NEB: variants seen among roughly 807,000 people sequenced by gnomAD.
The protein encoded by NEB is nebulin.
A neutral mutation model predicts 952.2 loss-of-function variants in NEB; 512 were observed. That is an observed-to-expected ratio of 0.54 (90% confidence interval 0.50 to 0.58). The LOEUF (loss-of-function observed/expected upper bound fraction) is 0.58. NEB is among the 20% of genes least tolerant of loss of function. NEB has a pLI of 0.00. For missense variants in NEB, 8,428 were observed against 9,231.1 expected (o/e 0.91, Z 3.56); for synonymous variants, 2,900 against 3,149.8 (o/e 0.92, Z 2.66).
chr2:151,553,616 G>A, intron 126 of NEB, 114 bp from the exon 127 acceptor site: 1 of 877,690 alleles, frequency 1.1e-6, no homozygotes, highest in Non-Finnish European at 1.8e-6. Context: ...AGGAGCAAAG[G>A]CATTATGCAA....
At position 151,633,943 on chromosome 2, in the gene NEB, C is replaced by T. The variant is rs779603526; in HGVS notation, c.9125G>A (p.Cys3042Tyr). The change falls in exon 65 of 182, where the codon TGC becomes TAC. Residue 3042 changes from cysteine (C) to tyrosine (Y), a missense_variant. By Grantham distance (194) the Cys-to-Tyr change is radical. Around this residue, in one of 11 missense-constraint regions of NEB, gnomAD observed 1,772 missense variants for 1,960.3 expected, o/e 0.90. Transcript: ENST00000397345. The part of the protein sequence containing the change: ...ISDYKYKDGY[C>Y]KQLGHHIGAR... ...TCCAATATGGTGGCCAAGTTGCTTG[C>T]AGTAACCATCTTTATATTTGTACTA... 16 of 1,613,140 alleles carry T rather than the reference C, an allele frequency of 9.9e-6. No homozygotes were observed. The highest frequency in any genetic ancestry group is 3.3e-5 in the Admixed American group (2 of 59,922).
chr2:151,726,718 C>CAGCTTTTT (rs1012282591), intron 5 of NEB, among the ~76,000 whole-genome samples: 79 of 152,236 alleles, frequency 5.2e-4, no homozygotes, highest in African/African-American at 1.9e-3. Context: ...ATCATCTGGG[C>CAGCTTTTT]AGCTTTTTAA....
intron 24 of NEB, chr2:151,690,125 G>A (rs2099536445): frequency 6.5e-6 from 1 of 154,052 alleles, no homozygotes; most frequent in Admixed American, 6.5e-5. Flanking sequence ...ACTTCAACAG[G>A]GTCAGCAGGC....
Position 151,524,143 on chromosome 2 carries a change from G to A in NEB, c.22479+168C>T, listed in dbSNP as rs543690192. Among the ~76,000 whole-genome samples, 3 of 152,330 alleles carry A rather than the reference G, an allele frequency of 2.0e-5. No individual in the cohort carries two copies. The East Asian group carries it at 5.8e-4, about 29-fold the overall frequency. On this transcript the variant is annotated intron_variant, in intron 153 of 181. Transcript: ENST00000397345. The stretch of plus-strand genomic sequence containing the variant: ...ACAAGAAAGGTCTAGACAGCTTAGA[G>A]GGAAACGAGAAAAGGCCCTCAGTGC...
intron 144 of NEB, 43 bp downstream of exon 144, chr2:151,531,749 G>A: frequency 7.1e-7 from 1 of 1,412,970 alleles, no homozygotes; most frequent in Non-Finnish European, 9.9e-7. Context: ...GTTTGCAGAT[G>A]CCCCCTGAGT....
At position 151,729,596 on chromosome 2, in the gene NEB, G is replaced by A. The variant is rs1329858927; in HGVS notation, c.78+19C>T. 1 of 1,612,444 alleles carries A rather than the reference G, an allele frequency of 6.2e-7. No homozygotes were observed. The highest frequency in any genetic ancestry group is 1.7e-5 in the Admixed American group (1 of 59,958). On this transcript the variant is annotated intron_variant, in intron 4 of 181. Transcript: ENST00000397345. ...CTTTAATGAGAATGCAGTTTATGCAGCTGTGGGCTGGGCCTTACCTCTCCC... is the reference window on the plus strand; with the variant it reads ...CTTTAATGAGAATGCAGTTTATGCAACTGTGGGCTGGGCCTTACCTCTCCC...
intron 27 of NEB, among the ~76,000 whole-genome samples, chr2:151,687,125 ATATC>A (rs1233080674): frequency 2.0e-5 from 3 of 152,248 alleles, no homozygotes; most frequent in African/African-American, 7.2e-5. Flanking sequence ...AAATATGAAA[ATATC>A]TAGTGATGTT....
intron 71 of NEB, among the ~76,000 whole-genome samples, chr2:151,621,306 C>A (rs1049643605): frequency 6.6e-6 from 1 of 152,164 alleles, no homozygotes; most frequent in Non-Finnish European, 1.5e-5. Context: ...AGATTGTTCA[C>A]CATTTGCCCT....
intron 145 of NEB, among the ~76,000 whole-genome samples, chr2:151,529,749 G>A (rs1407844756): frequency 6.6e-6 from 1 of 152,212 alleles, no homozygotes; most frequent in African/African-American, 2.4e-5. Flanking sequence ...GGCTGGTCTC[G>A]AACTCGTGAC....
intron 105 of NEB, 143 bp downstream of exon 105, chr2:151,579,195 C>G (rs2097036215): frequency 5.4e-6 from 3 of 555,952 alleles, no homozygotes; most frequent in African/African-American, 3.7e-5. Context: ...CTGAAGAAAC[C>G]TGGCTGTAGG....
rs1488196379 is a variant in NEB, at chr2:151,666,116, T to G, written c.5005A>C (p.Arg1669=). The change falls in exon 41 of 182, where the codon AGG becomes CGG. Residue 1669 remains arginine, a synonymous_variant. Transcript: ENST00000397345. ...LPDALNVEHS[R]NAMQIQSDNL... ...TCACTCTGAATCTGCATGGCATTCC[T>G]GGAGTGCTCCACATTCAAGGCATCG... 6.2e-7 allele frequency: 1 copy of G among 1,613,526 alleles called. No individual in the cohort carries two copies. The highest frequency in any genetic ancestry group is 8.5e-7 in the Non-Finnish European group (1 of 1,179,530).
intron 13 of NEB, among the ~76,000 whole-genome samples, chr2:151,703,356 A>C (rs1285143355): frequency 4.9e-5 from 2 of 41,204 alleles, no homozygotes; most frequent in South Asian, 1.6e-3. Context: ...GCTCTTCTCA[A>C]GGAGTATCTT....
intron 168 of NEB, 148 bp downstream of exon 168, chr2:151,501,240 TAGG>T: frequency 1.9e-6 from 1 of 527,274 alleles, no homozygotes; most frequent in Admixed American, 3.1e-5. Flanking sequence ...AAATGGTGAG[TAGG>T]AGATCTGGAA....
chr2:151,716,473 C>T (rs2099759702), intron 10 of NEB, among the ~76,000 whole-genome samples: 1 of 152,138 alleles, frequency 6.6e-6, no homozygotes, highest in African/African-American at 2.4e-5. Context: ...TATTTATGTA[C>T]AGTTCTAAAG....
chr2:151,611,245 C>T (rs2097944582), intron 78 of NEB, among the ~76,000 whole-genome samples: 1 of 152,166 alleles, frequency 6.6e-6, no homozygotes, highest in Admixed American at 6.5e-5. Flanking sequence ...CTACTATTTC[C>T]AAGCTGTGTG....
intron 39 of NEB, 110 bp from the exon 40 acceptor site, chr2:151,668,021 A>G: frequency 1.3e-6 from 1 of 767,992 alleles, no homozygotes; most frequent in South Asian, 1.8e-5. Flanking sequence ...CTTTCTATTA[A>G]GACAATCTAT....
chr2:151,709,616 C>T (rs1443430341), intron 12 of NEB, 40 bp downstream of exon 12: 2 of 1,462,922 alleles, frequency 1.4e-6, no homozygotes, highest in South Asian at 2.5e-5. Context: ...AATTTACCCA[C>T]ACTCAAACCA....
At chr2:151,693,079 T>C (rs1341897692) in intron 20 of NEB, among the ~76,000 whole-genome samples, 1 of 152,204 alleles carries the variant, frequency 6.6e-6, no homozygotes, top group Non-Finnish European at 1.5e-5. Context: ...AGTATTCTGT[T>C]GAGCACTTGG....
Position 151,506,188 on chromosome 2 carries a change from T to C in NEB, c.23627A>G (p.Gln7876Arg). 6.2e-7 allele frequency: 1 copy of C among 1,613,340 alleles called. No homozygotes were observed. Among genetic ancestry groups the C allele is most frequent in the African/African-American group, 1.3e-5 (1 of 75,056 alleles). ...TACCGAGCTAATGTGGTCCTGTGTT[T>C]GTTTCACTCTCATCATCTCAGGTGT... Reference protein sequence around the residue: ...GKTPEMMRVKQTQDHISSVKY... With the variant: ...GKTPEMMRVKRTQDHISSVKY... The change falls in exon 164 of 182, where the codon CAA becomes CGA. Residue 7876 changes from glutamine to arginine, a missense_variant. Around this residue, in one of 11 missense-constraint regions of NEB, gnomAD observed 3,374 missense variants for 3,651.5 expected, o/e 0.92. Transcript: ENST00000397345.
Sources: allele counts gnomAD v4.1 joint callset (sites outside exome capture counted in the v4.1 genomes callset), GRCh38; gene constraint gnomAD v4.1.1; regional missense constraint gnomAD v4.1.1; transcripts MANE v1.5; gene names NCBI Gene and HGNC (gene_info 2026-07-23, HGNC 2026-07-21).